MAP1B: variants seen among roughly 807,000 people sequenced by gnomAD.
MAP1B encodes microtubule-associated protein 1B.
A neutral mutation model predicts 176.1 loss-of-function variants in MAP1B; 12 were observed. The ratio of observed to expected loss-of-function variants is 0.07; its 90% CI spans 0.04 to 0.11. The LOEUF is 0.11. Among genes scored for constraint, MAP1B ranks in the 10% least tolerant of loss-of-function variants. The pLI is 1.00. For missense variants in MAP1B, 2,523 were observed against 2,990.5 expected (o/e 0.84, Z 3.65); for synonymous variants, 1,044 against 1,135.0 (o/e 0.92, Z 1.61).
chr5:72,145,485 A>G (rs1231000542), intron 2 of MAP1B, among the ~76,000 whole-genome samples: 1 of 152,004 alleles, frequency 6.6e-6, no homozygotes, highest in Non-Finnish European at 1.5e-5. Flanking sequence ...GCTGTTTTTC[A>G]TTAGCAAAGT....
chr5:72,143,061 G>C (rs955687637), intron 2 of MAP1B, among the ~76,000 whole-genome samples: 4 of 152,122 alleles, frequency 2.6e-5, no homozygotes, highest in African/African-American at 9.7e-5. Context: ...CTTCTGTTGT[G>C]TTCTCTTGTG....
In MAP1B at chr5:72,136,642, A is replaced by G. The variant is rs531560978; in HGVS notation, c.286+20843A>G. On this transcript the variant is annotated intron_variant, in intron 2 of 6. Coordinates refer to ENST00000296755, the MANE Select transcript of MAP1B (RefSeq NM_005909.5). ...ACTACCCTCTGTCAGATCCTGCCCCAAGTCACACCTAGCCTAATGTTTTGT... is the reference window on the plus strand; with the variant it reads ...ACTACCCTCTGTCAGATCCTGCCCCGAGTCACACCTAGCCTAATGTTTTGT... Among the ~76,000 whole-genome samples, 8 of 152,248 alleles carry G rather than the reference A, an allele frequency of 5.3e-5. No homozygotes were observed. The South Asian group carries it at 1.5e-3, about 28-fold the overall frequency.
intron 2 of MAP1B, chr5:72,179,972 A>ACTGC: frequency 1.0e-6 from 1 of 975,986 alleles, no homozygotes; most frequent in African/African-American, 1.7e-5. Flanking sequence ...GAGGAAAGGA[A>ACTGC]CTGCCGGTGG....
chr5:72,139,741 TA>T (rs1745912036), intron 2 of MAP1B, among the ~76,000 whole-genome samples: 2 of 152,178 alleles, frequency 1.3e-5, no homozygotes, highest in African/African-American at 4.8e-5. Context: ...GTATATAGTT[TA>T]ACAATGTATT....
chr5:72,180,316 A>G (rs1746739827), intron 2 of MAP1B, among the ~76,000 whole-genome samples: 1 of 152,170 alleles, frequency 6.6e-6, no homozygotes, highest in Non-Finnish European at 1.5e-5. Flanking sequence ...CAAAATTGTG[A>G]CCAAAGAAAT....
Position 72,199,161 on chromosome 5 carries a change from G to A in MAP1B, c.5806G>A (p.Gly1936Ser), listed in dbSNP as rs1010597465. The A allele has an allele frequency of 6.2e-7, 1 of 1,613,920 alleles. No individual in the cohort carries two copies. The highest frequency in any genetic ancestry group is 8.5e-7 in the Non-Finnish European group (1 of 1,180,036). Residue 1936 changes from glycine to serine, a missense_variant, in exon 5 of 7, where the codon GGT becomes AGT. This residue lies in a region of MAP1B where 1,925 missense variants were observed against 2,126.0 expected (regional missense o/e 0.91). Coordinates refer to ENST00000296755, the MANE Select transcript of MAP1B (RefSeq NM_005909.5). This position sits in a 1 kb window ranked among gnomAD's most constrained non-coding sequence, Gnocchi z 4.2. ...GAAAACTACCAAGACCCCTGAAGATGGTGACTATTCCTATGAAATTATTGA... is the reference window on the plus strand; with the variant it reads ...GAAAACTACCAAGACCCCTGAAGATAGTGACTATTCCTATGAAATTATTGA... ...IGKTTKTPED[G>S]DYSYEIIEKT...
rs956641030 is a variant in MAP1B, at chr5:72,200,501, C to T, written c.7012+134C>T. 3 of 1,136,892 alleles carry T rather than the reference C, an allele frequency of 2.6e-6. No homozygotes were observed. In the African/African-American group the frequency reaches 4.6e-5, roughly 18 times the overall value. The allele number at this position is 1,136,892 out of a possible 1,614,324, so 70.4% of individuals were successfully genotyped here. A position where few individuals can be genotyped will look rare whatever the true frequency, so the allele number is the denominator to read the frequency against. On this transcript the variant is annotated intron_variant, in intron 5 of 6. Coordinates refer to ENST00000296755, the MANE Select transcript of MAP1B (RefSeq NM_005909.5). Reference sequence around the variant, plus strand: ...ATTGATGCTTTACCTTCCCTGTACTCTTCTCCTCTGCCCAAAGGTATATAT... The same window carrying T: ...ATTGATGCTTTACCTTCCCTGTACTTTTCTCCTCTGCCCAAAGGTATATAT...
intron 2 of MAP1B, chr5:72,179,937 T>C: frequency 1.0e-6 from 1 of 985,472 alleles, no homozygotes; most frequent in Non-Finnish European, 1.2e-6. Context: ...TGGCATTTGT[T>C]TTGTTTGCAA....
intron 2 of MAP1B, among the ~76,000 whole-genome samples, chr5:72,137,379 T>C (rs967332798): frequency 2.0e-5 from 3 of 152,232 alleles, no homozygotes; most frequent in African/African-American, 4.8e-5. Flanking sequence ...TCCATGACTA[T>C]TGTTTTATGT....
At chr5:72,158,768 A>G (rs879646573) in intron 2 of MAP1B, among the ~76,000 whole-genome samples, 8 of 152,212 alleles carry the variant, frequency 5.3e-5, no homozygotes, top group Admixed American at 2.6e-4. Flanking sequence ...CAGTTTGGGT[A>G]TAAGTGCTCA....
intron 2 of MAP1B, among the ~76,000 whole-genome samples, chr5:72,137,203 G>T (rs1245146201): frequency 6.6e-6 from 1 of 152,180 alleles, no homozygotes. Flanking sequence ...ACCATTTGCT[G>T]ATAGATCCTG....
At chr5:72,152,084 T>A (rs1387783307) in intron 2 of MAP1B, among the ~76,000 whole-genome samples, 3 of 152,250 alleles carry the variant, frequency 2.0e-5, no homozygotes, top group African/African-American at 4.8e-5. Flanking sequence ...TTCCACTGAA[T>A]GTCCTTTTAC....
At chr5:72,130,241 G>A (rs1561293608) in intron 2 of MAP1B, among the ~76,000 whole-genome samples, 1 of 151,452 alleles carries the variant, frequency 6.6e-6, no homozygotes, top group Non-Finnish European at 1.5e-5. Context: ...ATAATCATAG[G>A]GATACATTGT....
chr5:72,196,904 C>T lies in MAP1B; in HGVS notation c.3549C>T (p.Leu1183=), dbSNP rs754853482. ...EYSKPADVTP[L]NGFSEGSKTD... is the part of the protein sequence containing the mutation. ...CTAAACCTGCTGATGTTACACCGCT[C>T]AACGGATTTTCTGAAGGATCAAAAA... The change falls in exon 5 of 7, where the codon CTC becomes CTT. Residue 1183 remains leucine (L), a synonymous_variant. Transcript: ENST00000296755. This position sits in a 1 kb window ranked among gnomAD's most constrained non-coding sequence, Gnocchi z 5.3. The T allele has an allele frequency of 6.8e-6, 11 of 1,614,080 alleles. No individual in the cohort carries two copies. The highest frequency in any genetic ancestry group is 9.3e-6 in the Non-Finnish European group (11 of 1,180,034).
rs768699057 is a variant in MAP1B at position 72,195,654 on chromosome 5, A to C, written c.2299A>C (p.Lys767Gln). The change falls in exon 5 of 7, where the codon AAG becomes CAG. Residue 767 changes from lysine (K) to glutamine (Q), a missense_variant. By Grantham distance (53) the Lys-to-Gln change is moderately conservative. Coordinates refer to ENST00000296755, the MANE Select transcript of MAP1B (RefSeq NM_005909.5). ...AGTACCCAAGAAGGAAGAGTCTGTC[A>C]AGAAAGATTCTGTTGCTGCCGGAAA... The part of the protein sequence containing the change: ...PKVPKKEESV[K>Q]KDSVAAGKPK... 1.9e-6 allele frequency: 3 copies of C among 1,614,254 alleles called. No individual in the cohort carries two copies. Among genetic ancestry groups the C allele is most frequent in the Admixed American group, 3.3e-5 (2 of 60,034 alleles).
intron 2 of MAP1B, among the ~76,000 whole-genome samples, chr5:72,160,632 AGCTAG>A (rs1244875454): frequency 6.6e-6 from 1 of 152,224 alleles, no homozygotes; most frequent in Non-Finnish European, 1.5e-5. Context: ...GAATGAACAG[AGCTAG>A]TTCCATTCCT....
At chr5:72,118,532 G>A (rs1322970139) in intron 2 of MAP1B, among the ~76,000 whole-genome samples, 1 of 152,086 alleles carries the variant, frequency 6.6e-6, no homozygotes, top group Non-Finnish European at 1.5e-5. Context: ...AGAGGAGAAG[G>A]CATTTAACAA....
At chr5:72,120,425 CTTTT>C (rs775411933) in intron 2 of MAP1B, among the ~76,000 whole-genome samples, 4 of 134,372 alleles carry the variant, frequency 3.0e-5, no homozygotes, top group Admixed American at 7.5e-5. Context: ...TAGTTTCTTT[CTTTT>C]TTTTTTTTTT....
In MAP1B at chr5:72,208,397, T is replaced by C. The variant is rs942608974; in HGVS notation, c.*3158T>C. The C allele has an allele frequency of 6.6e-5, 10 of 152,228 alleles. No individual in the cohort carries two copies. Among genetic ancestry groups the C allele is most frequent in the African/African-American group, 2.4e-4 (10 of 41,466 alleles). 9.4% of individuals were successfully genotyped at this position (152,228 alleles called of 1,614,324 possible). ...TCTATCGAGATAGCACTCATGATCATGACCTTTTTGGTAGTATTCTTAAAC... is the reference window on the plus strand; with the variant it reads ...TCTATCGAGATAGCACTCATGATCACGACCTTTTTGGTAGTATTCTTAAAC... On this transcript the variant is annotated 3_prime_UTR_variant, in exon 7 of 7. Transcript: ENST00000296755.
Sources: gnomAD v4.1 joint callset for allele counts (sites outside exome capture counted in the v4.1 genomes callset) on GRCh38, gnomAD v4.1.1 for gene constraint, gnomAD v4.1.1 regional missense constraint, Gnocchi (gnomAD v3.1) non-coding constraint, MANE v1.5 for transcripts, NCBI Gene and HGNC (gene_info 2026-07-23, HGNC 2026-07-21) for gene names.